STIL: variants seen among roughly 807,000 people sequenced by gnomAD.
STIL encodes the protein STIL centriolar assembly protein.
A neutral mutation model predicts 110.1 loss-of-function variants in STIL; 55 were observed. That is an observed-to-expected ratio of 0.50 (90% CI 0.40 to 0.63). The LOEUF is 0.63. STIL is among the 20% of genes least tolerant of loss of function. The pLI, the probability that STIL is intolerant of heterozygous loss-of-function variation, is 0.00. For missense variants in STIL, 1,358 were observed against 1,530.0 expected, an observed-to-expected ratio of 0.89 and a Z score of 1.87; for synonymous variants, 481 against 530.0, an observed-to-expected ratio of 0.91 and a Z score of 1.27.
Position 47,260,329 on chromosome 1 carries a change from T to C in STIL, c.3040A>G (p.Thr1014Ala). 6.2e-7 allele frequency: 1 copy of C among 1,614,176 alleles called. No individual in the cohort carries two copies. ...RSLGVKIDSPTKVKKNAHNVD... is the reference protein window; with the variant it reads ...RSLGVKIDSPAKVKKNAHNVD... ...TTATGTGCATTTTTCTTCACTTTAG[T>C]GGGAGAATCAATTTTTACTCCAAGG... The change falls in exon 16 of 17, where the codon ACT (threonine) becomes GCT (alanine). Residue 1014 changes from threonine (T) to alanine (A), a missense_variant. Coordinates refer to ENST00000371877, the MANE Select transcript of STIL (RefSeq NM_001048166.1).
intron 9 of STIL, among the ~76,000 whole-genome samples, chr1:47,288,661 AG>A: frequency 1.3e-5 from 2 of 152,208 alleles, no homozygotes; most frequent in South Asian, 4.1e-4. Context: ...TAGATGATAT[AG>A]TAACAATCTA....
rs374907112 is a variant in STIL at position 47,310,352 on chromosome 1, T to G, written c.-33A>C. 1.3e-6 allele frequency: 2 copies of G among 1,587,718 alleles called. No individual in the cohort carries two copies. Among genetic ancestry groups the G allele is most frequent in the South Asian group, 2.2e-5 (2 of 90,396 alleles). ...GGTGAATGATTTCTTTAATTCCAAA[T>G]CCTCAGTATCCTAAAGAATTAAAGA... On this transcript the variant is annotated 5_prime_UTR_variant, in exon 2 of 17. Coordinates refer to ENST00000371877, the MANE Select transcript of STIL (RefSeq NM_001048166.1).
chr1:47,254,292 C>CCCTTAAT (rs1186671748), intron 16 of STIL, among the ~76,000 whole-genome samples: 1 of 151,510 alleles, frequency 6.6e-6, no homozygotes, highest in Non-Finnish European at 1.5e-5. Flanking sequence ...TTGAAATTCT[C>CCCTTAAT]CCTTAATCTT....
At chr1:47,311,280 TTTC>T (rs1646116629) in intron 1 of STIL, among the ~76,000 whole-genome samples, 1 of 147,734 alleles carries the variant, frequency 6.8e-6, no homozygotes. Context: ...CTTTTCTTTT[TTTC>T]TTTTTTTTTT....
intron 2 of STIL, among the ~76,000 whole-genome samples, chr1:47,305,578 A>G (rs1557774979): frequency 6.6e-6 from 1 of 150,854 alleles, no homozygotes; most frequent in Admixed American, 6.6e-5. Flanking sequence ...ACAGGCACAT[A>G]CCACCATGCC....
chr1:47,301,202 C>T (rs912936973), intron 5 of STIL, among the ~76,000 whole-genome samples: 3 of 152,054 alleles, frequency 2.0e-5, no homozygotes, highest in African/African-American at 4.8e-5. Context: ...CTCAGCTTCC[C>T]GAAGTGTTGG....
chr1:47,270,242 AT>A lies in STIL; in HGVS notation c.2384-377del, dbSNP rs1231669006. 6.9e-3 allele frequency among the ~76,000 whole-genome samples: 607 copies of A among 87,650 alleles called. 8 individuals are homozygous for A. Among genetic ancestry groups the A allele is most frequent in the East Asian group, 0.017 (63 of 3,740 alleles). The allele number at this position is 87,650 out of a possible 152,430, so 57.5% of individuals were successfully genotyped here. A position where few individuals can be genotyped will look rare whatever the true frequency, so the allele number is the denominator to read the frequency against. ...AACTCTGGCTCAAAAAAAAAAAAAA[AT>A]ATATATATATATACACACACACACA... is the stretch of plus-strand genomic sequence containing the variant. On this transcript the variant is annotated intron_variant, in intron 13 of 16. Coordinates refer to ENST00000371877, the MANE Select transcript of STIL (RefSeq NM_001048166.1).
intron 9 of STIL, among the ~76,000 whole-genome samples, chr1:47,288,320 G>A (rs1261009203): frequency 6.7e-6 from 1 of 150,188 alleles, no homozygotes; most frequent in Non-Finnish European, 1.5e-5. Context: ...TTTTGAGACA[G>A]AGTTTCCTTC....
chr1:47,270,935 T>G (rs1197725295), intron 13 of STIL, among the ~76,000 whole-genome samples: 2 of 152,120 alleles, frequency 1.3e-5, no homozygotes, highest in African/African-American at 4.8e-5. Context: ...TGCCTTGACC[T>G]CCCAAAGTGC....
At position 47,293,504 on chromosome 1, in the gene STIL, A is replaced by G; in HGVS notation, c.826T>C (p.Trp276Arg). 6.2e-7 allele frequency: 1 copy of G among 1,613,470 alleles called. No individual in the cohort carries two copies. The highest frequency in any genetic ancestry group is 8.5e-7 in the Non-Finnish European group (1 of 1,179,616). The change falls in exon 8 of 17, where the codon TGG becomes CGG. Residue 276 changes from tryptophan to arginine, a missense_variant. Trp to Arg is a moderately radical substitution (Grantham distance 101, BLOSUM62 -3). Transcript: ENST00000371877. The stretch of plus-strand genomic sequence containing the variant: ...AATATGTATCGCAAACAGCAAGCCC[A>G]TACCTGAGGACTATAGATATGTGTA... ...GITHIYSPQV[W>R]ACCLRYIFNS...
chr1:47,294,939 GAGA>G (rs1189367200), intron 7 of STIL, among the ~76,000 whole-genome samples: 6 of 150,266 alleles, frequency 4.0e-5, no homozygotes, highest in East Asian at 3.9e-4. Context: ...ATTTTTTTTT[GAGA>G]AGGAGTTTCA....
intron 8 of STIL, among the ~76,000 whole-genome samples, chr1:47,292,973 A>AGTTGT (rs1373039359): frequency 3.9e-5 from 6 of 152,200 alleles, no homozygotes; most frequent in Non-Finnish European, 7.4e-5. Flanking sequence ...AAATGAGTTG[A>AGTTGT]GGTTAAAAGT....
chr1:47,250,938 T>C lies in STIL; in HGVS notation c.*198A>G, dbSNP rs1644166623. ...CTTTTCTTAAAGGTTTCAGTGATGTTGAACAGCTCTATTTGAACAATGAGA... is the reference window on the plus strand; with the variant it reads ...CTTTTCTTAAAGGTTTCAGTGATGTCGAACAGCTCTATTTGAACAATGAGA... On this transcript the variant is annotated 3_prime_UTR_variant, in exon 17 of 17. Transcript: ENST00000371877. 1.9e-5 allele frequency: 11 copies of C among 572,186 alleles called. No individual in the cohort carries two copies. The highest frequency in any genetic ancestry group is 1.0e-4 in the Admixed American group (3 of 29,514). 35.4% of individuals were successfully genotyped at this position (572,186 alleles called of 1,614,324 possible).
intron 3 of STIL, among the ~76,000 whole-genome samples, 156 bp downstream of exon 3, chr1:47,304,733 G>A (rs1361935471): frequency 1.3e-5 from 2 of 152,202 alleles, no homozygotes; most frequent in Non-Finnish European, 2.9e-5. Context: ...AGGAACAGAT[G>A]TTAAGAAGCA....
Position 47,281,109 on chromosome 1 carries a change from T to G in STIL, c.1349A>C (p.Asn450Thr). 6.2e-7 allele frequency: 1 copy of G among 1,614,208 alleles called. No individual in the cohort carries two copies. The highest frequency in any genetic ancestry group is 8.5e-7 in the Non-Finnish European group (1 of 1,180,042). ...PLPTPLEMVN[N>T]ENPPLINHLE... ...GTGGTTAATCAAAGGAGGATTTTCA[T>G]TATTCACCATTTCCAATGGAGTAGG... Residue 450 changes from asparagine (N) to threonine (T), a missense_variant, in exon 12 of 17, where the codon AAT (asparagine) becomes ACT (threonine). Coordinates refer to ENST00000371877, the MANE Select transcript of STIL (RefSeq NM_001048166.1).
chr1:47,276,519 A>G (rs1490334228), intron 12 of STIL, among the ~76,000 whole-genome samples: 1 of 151,766 alleles, frequency 6.6e-6, no homozygotes, highest in Non-Finnish European at 1.5e-5. Flanking sequence ...AATTAAAACA[A>G]CTTCTAGGCC....
At chr1:47,309,767 G>A (rs1646068052) in intron 2 of STIL, among the ~76,000 whole-genome samples, 1 of 152,150 alleles carries the variant, frequency 6.6e-6, no homozygotes, top group Non-Finnish European at 1.5e-5. Flanking sequence ...TACTTCACTT[G>A]ACAAAGGCTT....
chr1:47,301,953 CCAGA>C (rs1215323714), intron 4 of STIL, among the ~76,000 whole-genome samples: 1 of 152,152 alleles, frequency 6.6e-6, no homozygotes, highest in African/African-American at 2.4e-5. Context: ...ATCCATCTGA[CCAGA>C]CAGTGAACTC....
Position 47,250,975 on chromosome 1 carries a change from T to C in STIL, c.*161A>G, listed in dbSNP as rs191737587. ...TTTGAACAATGAGAACTTAGTCCTA[T>C]CACCAGCCAGCCATCTCACAGAAGT... On this transcript the variant is annotated 3_prime_UTR_variant, in exon 17 of 17. Transcript: ENST00000371877. 429 of 651,270 alleles carry C rather than the reference T, an allele frequency of 6.6e-4. No individual in the cohort carries two copies. In the African/African-American group the frequency reaches 7.2e-3, roughly 11 times the overall value. 40.3% of individuals were successfully genotyped at this position (651,270 alleles called of 1,614,324 possible).
Sources: gnomAD v4.1 joint callset for allele counts (sites outside exome capture counted in the v4.1 genomes callset) on GRCh38, gnomAD v4.1.1 for gene constraint, MANE v1.5 for transcripts, NCBI Gene and HGNC (gene_info 2026-07-23, HGNC 2026-07-21) for gene names.